Variants in PCSK6 observed in about 807,000 individuals in gnomAD.
PCSK6 encodes paired basic amino acid cleaving enzyme 4.
A neutral mutation model predicts 123.3 loss-of-function variants in PCSK6; 85 were observed. The ratio of observed to expected loss-of-function variants is 0.69; its 90% CI spans 0.58 to 0.83. The LOEUF (loss-of-function observed/expected upper bound fraction) is 0.83. PCSK6 is among the 40% of genes least tolerant of loss of function. The pLI, the probability that PCSK6 is intolerant of heterozygous loss-of-function variation, is 0.00. For missense variants in PCSK6, 1,191 were observed against 1,282.3 expected (o/e 0.93, Z 1.09); for synonymous variants, 508 against 516.0 (o/e 0.98, Z 0.21).
At chr15:101,479,008 A>G (rs1471729753) in intron 1 of PCSK6, among the ~76,000 whole-genome samples, 1 of 152,234 alleles carries the variant, frequency 6.6e-6, no homozygotes, top group African/African-American at 2.4e-5. Context: ...TTTCTCATTC[A>G]CTAAACCTTC....
chr15:101,425,771 T>C lies in PCSK6; in HGVS notation c.823+2121A>G, dbSNP rs545040123. On this transcript the variant is annotated intron_variant, in intron 6 of 21. Transcript: ENST00000611716. The stretch of plus-strand genomic sequence containing the variant: ...CTTCACTTGCAGGACTCGGGAAACG[T>C]AGGGAAAGAGTTTGGCGATGAGTGT... Among the ~76,000 whole-genome samples, 6 of 152,212 alleles carry C rather than the reference T, an allele frequency of 3.9e-5. No individual in the cohort carries two copies. In the South Asian group the frequency reaches 1.0e-3, roughly 26 times the overall value.
chr15:101,397,496 C>T (rs1316404093), intron 7 of PCSK6, among the ~76,000 whole-genome samples: 1 of 152,156 alleles, frequency 6.6e-6, no homozygotes, highest in African/African-American at 2.4e-5. Flanking sequence ...CCACCCCCTC[C>T]CATTCTCCCA....
At chr15:101,472,026 A>G (rs2057617398) in intron 1 of PCSK6, among the ~76,000 whole-genome samples, 1 of 73,194 alleles carries the variant, frequency 1.4e-5, no homozygotes, top group South Asian at 4.4e-4. Context: ...GAAACACGAA[A>G]TTGTGATAAA....
intron 13 of PCSK6, among the ~76,000 whole-genome samples, chr15:101,343,016 G>A (rs2040653296): frequency 6.6e-6 from 1 of 152,032 alleles, no homozygotes; most frequent in African/African-American, 2.4e-5. Flanking sequence ...CCATTTAAAT[G>A]TTTGGCAGAA....
Position 101,358,558 on chromosome 15 carries a change from G to A in PCSK6, c.1858+7638C>T, listed in dbSNP as rs117328493. 1.5e-4 allele frequency among the ~76,000 whole-genome samples: 23 copies of A among 152,330 alleles called. No individual in the cohort carries two copies. In the East Asian group the frequency reaches 2.7e-3, roughly 18 times the overall value. On this transcript the variant is annotated intron_variant, in intron 13 of 21. Transcript: ENST00000611716. The stretch of plus-strand genomic sequence containing the variant: ...TGTGTCTTGGAGCCTCTCTGTGCCC[G>A]AGCACTGGCATAGCATCTGGCACAT...
intron 1 of PCSK6, among the ~76,000 whole-genome samples, chr15:101,460,371 G>A (rs1367007933): frequency 1.3e-5 from 2 of 151,966 alleles, no homozygotes; most frequent in Non-Finnish European, 2.9e-5. Context: ...CTCTACCCAG[G>A]CCCCCTGCCT....
chr15:101,391,163 G>T (rs1294162811), intron 8 of PCSK6, among the ~76,000 whole-genome samples: 1 of 152,190 alleles, frequency 6.6e-6, no homozygotes, highest in Non-Finnish European at 1.5e-5. Flanking sequence ...GGGGAGGGCA[G>T]CTGAGGGCAT....
Position 101,305,355 on chromosome 15 carries a change from G to C in PCSK6, c.2813C>G (p.Ala938Gly). 6.2e-7 allele frequency: 1 copy of C among 1,611,534 alleles called. No homozygotes were observed. Among genetic ancestry groups the C allele is most frequent in the Non-Finnish European group, 8.5e-7 (1 of 1,179,584 alleles). The change falls in exon 22 of 22, where the codon GCT becomes GGT. Residue 938 changes from alanine (A) to glycine (G), a missense_variant and splice_region_variant. Coordinates refer to ENST00000611716, the MANE Select transcript of PCSK6 (RefSeq NM_002570.5). The surrounding 1 kb of genome is among the most constrained non-coding windows in gnomAD (Gnocchi z 4.8). The part of the protein sequence containing the change: ...SCITNHTCSN[A>G]DETFCEMVKS... ...CACCATCTCGCAGAATGTCTCGTCA[G>C]CTGGGGCCCCGCATCAGGAAAGGCA...
chr15:101,325,074 G>A, intron 16 of PCSK6, 28 bp from the exon 17 acceptor site: 1 of 1,566,614 alleles, frequency 6.4e-7, no homozygotes, highest in South Asian at 1.1e-5. Flanking sequence ...GGAGGGTGAG[G>A]GCCTTGCCAA....
At chr15:101,332,901 T>C (rs1420554976) in intron 13 of PCSK6, among the ~76,000 whole-genome samples, 1 of 152,230 alleles carries the variant, frequency 6.6e-6, no homozygotes, top group Non-Finnish European at 1.5e-5. Context: ...TAAAACACAT[T>C]ATAAACAGTC....
intron 6 of PCSK6, among the ~76,000 whole-genome samples, chr15:101,401,931 T>C (rs1368944347): frequency 6.6e-6 from 1 of 151,852 alleles, no homozygotes; most frequent in African/African-American, 2.4e-5. Flanking sequence ...TTAAAGTTCA[T>C]ATGGAACCAA....
At chr15:101,467,824 G>C (rs186379363) in intron 1 of PCSK6, among the ~76,000 whole-genome samples, 3 of 152,246 alleles carry the variant, frequency 2.0e-5, no homozygotes, top group Admixed American at 1.3e-4. Flanking sequence ...TAAGCAACAC[G>C]TTGTCTAAGC....
chr15:101,442,408 T>C (rs1274926902), intron 2 of PCSK6, among the ~76,000 whole-genome samples: 1 of 152,188 alleles, frequency 6.6e-6, no homozygotes, highest in Non-Finnish European at 1.5e-5. Context: ...CCCAGGTCCA[T>C]GGGTGAGCTC....
chr15:101,355,486 T>C (rs1438098487), intron 13 of PCSK6, among the ~76,000 whole-genome samples: 2 of 152,242 alleles, frequency 1.3e-5, no homozygotes, highest in Non-Finnish European at 1.5e-5. Flanking sequence ...GTTTGGGCCC[T>C]GTACATAGCC....
chr15:101,333,292 G>A (rs1371938474), intron 13 of PCSK6, among the ~76,000 whole-genome samples: 3 of 152,174 alleles, frequency 2.0e-5, no homozygotes, highest in African/African-American at 7.2e-5. Flanking sequence ...GCTCCCGGAC[G>A]CCCCAGCCTT....
Position 101,438,739 on chromosome 15 carries a change from C to T in PCSK6, c.402+4817G>A, listed in dbSNP as rs140509061. Among the ~76,000 whole-genome samples, 512 of 152,356 alleles carry T rather than the reference C, an allele frequency of 3.4e-3. 5 individuals are homozygous for T. The highest frequency in any genetic ancestry group is 0.012 in the African/African-American group (481 of 41,590). The stretch of plus-strand genomic sequence containing the variant: ...CTGTCCCTGACAGATCCCAAACAAA[C>T]TGAACTAGTCATCGTTCCCAACAAA... On this transcript the variant is annotated intron_variant, in intron 2 of 21. Transcript: ENST00000611716.
chr15:101,438,658 A>G (rs1435618696), intron 2 of PCSK6, among the ~76,000 whole-genome samples: 1 of 152,132 alleles, frequency 6.6e-6, no homozygotes, highest in Non-Finnish European at 1.5e-5. Context: ...ACGCCCTCCC[A>G]AGCCTGACGA....
At chr15:101,358,437 G>A (rs2041110111) in intron 13 of PCSK6, among the ~76,000 whole-genome samples, 1 of 152,058 alleles carries the variant, frequency 6.6e-6, no homozygotes, top group South Asian at 2.1e-4. Flanking sequence ...ACTCCTCTGG[G>A]TCACTGGTGG....
At chr15:101,310,164 G>A (rs889065799) in intron 20 of PCSK6, among the ~76,000 whole-genome samples, 2 of 151,870 alleles carry the variant, frequency 1.3e-5, no homozygotes, top group African/African-American at 2.4e-5. Context: ...TGCTTCCTTT[G>A]GGAGGCGTCC....
Sources: allele counts gnomAD v4.1 joint callset (sites outside exome capture counted in the v4.1 genomes callset), GRCh38; gene constraint gnomAD v4.1.1; non-coding constraint Gnocchi (gnomAD v3.1); transcripts MANE v1.5; gene names NCBI Gene and HGNC (gene_info 2026-07-23, HGNC 2026-07-21).